Variants in UPF2 observed in about 807,000 individuals in gnomAD.
The protein encoded by UPF2 is regulator of nonsense transcripts 2.
A neutral mutation model predicts 141.4 loss-of-function variants in UPF2; 17 were observed. The ratio of observed to expected loss-of-function variants is 0.12; its 90% CI spans 0.08 to 0.18. UPF2 has a LOEUF of 0.18. Ranked by LOEUF, UPF2 falls within the 10% of genes least tolerant of loss-of-function variation. The pLI, the probability that UPF2 is intolerant of heterozygous loss-of-function variation, is 1.00. For missense variants in UPF2, 1,152 were observed against 1,515.9 expected, an observed-to-expected ratio of 0.76 and a Z score of 3.99; for synonymous variants, 540 against 498.0, an observed-to-expected ratio of 1.08 and a Z score of -1.12.
At chr10:11,981,827 A>G (rs1000993845) in intron 8 of UPF2, among the ~76,000 whole-genome samples, 1 of 152,206 alleles carries the variant, frequency 6.6e-6, no homozygotes, top group Non-Finnish European at 1.5e-5. Context: ...CTGGGATTAC[A>G]GGCAAGCACC....
chr10:12,018,332 C>T (rs1834259882), intron 3 of UPF2, among the ~76,000 whole-genome samples: 1 of 152,016 alleles, frequency 6.6e-6, no homozygotes, highest in South Asian at 2.1e-4. Context: ...CCTGTAATCC[C>T]AACACTTTGG....
At position 12,035,310 on chromosome 10, in the gene UPF2, T is replaced by C; in HGVS notation, c.114A>G (p.Lys38=). The change falls in exon 2 of 22, where the codon AAA becomes AAG. Residue 38 remains lysine, a synonymous_variant. Transcript: ENST00000357604. ...RRTVSSKERP[K]DDIKLTAKKE... ...TCTTGGCAGTGAGCTTGATATCGTCTTTTGGCCTCTCCTTGCTGCTCACTG... is the reference window on the plus strand; with the variant it reads ...TCTTGGCAGTGAGCTTGATATCGTCCTTTGGCCTCTCCTTGCTGCTCACTG... 1.2e-6 allele frequency: 2 copies of C among 1,614,148 alleles called. No individual in the cohort carries two copies. Among genetic ancestry groups the C allele is most frequent in the Non-Finnish European group, 1.7e-6 (2 of 1,180,036 alleles).
intron 5 of UPF2, among the ~76,000 whole-genome samples, chr10:12,003,348 ATC>A (rs1833982834): frequency 6.6e-6 from 1 of 152,222 alleles, no homozygotes; most frequent in Non-Finnish European, 1.5e-5. Context: ...CATACAATTT[ATC>A]TGAGGAAATT....
chr10:11,997,448 T>G (rs577680159), intron 8 of UPF2, among the ~76,000 whole-genome samples: 75 of 152,322 alleles, frequency 4.9e-4, no homozygotes, highest in African/African-American at 1.7e-3. Context: ...CTTAAACATT[T>G]TATTTTAAAA....
In UPF2 at chr10:11,996,342, C is replaced by A. The variant is rs72777718; in HGVS notation, c.1844+1330G>T. 6.7e-3 allele frequency among the ~76,000 whole-genome samples: 728 copies of A among 108,386 alleles called. 3 individuals carry two copies. Among genetic ancestry groups the A allele is most frequent in the Middle Eastern group, 9.7e-3 (2 of 206 alleles). 71.1% of individuals were successfully genotyped at this position (108,386 alleles called of 152,430 possible). A position where few individuals can be genotyped will look rare whatever the true frequency, so the allele number is the denominator to read the frequency against. ...TTTTAATACTTATGATAAACTGTCA[C>A]TTCATTCAACCTTTTTTTTTTTTGA... is the stretch of plus-strand genomic sequence containing the variant. On this transcript the variant is annotated intron_variant, in intron 8 of 21. Coordinates refer to ENST00000357604, the MANE Select transcript of UPF2 (RefSeq NM_015542.4).
intron 1 of UPF2, among the ~76,000 whole-genome samples, chr10:12,039,681 CACG>C (rs2131322821): frequency 1.3e-5 from 2 of 148,930 alleles, no homozygotes; most frequent in South Asian, 4.2e-4. Flanking sequence ...AGTGCAGTGG[CACG>C]ATCTCGGCTC....
rs773266588 is a variant in UPF2, at chr10:11,959,388, C to T, written c.2185-32G>A. 1.6e-5 allele frequency: 24 copies of T among 1,524,692 alleles called. No individual in the cohort carries two copies. The highest frequency in any genetic ancestry group is 7.0e-5 in the African/African-American group (5 of 71,622). 94.4% of individuals were successfully genotyped at this position (1,524,692 alleles called of 1,614,324 possible). ...TAAAAAGTCCAAATTAATCAAAACA[C>T]GTTCCTTCTAAGATTCCTTTACTCC... On this transcript the variant is annotated intron_variant, in intron 11 of 21. Transcript: ENST00000357604. The surrounding 1 kb of genome is among the most constrained non-coding windows in gnomAD (Gnocchi z 5.9).
chr10:12,023,910 G>A (rs1408974869), intron 3 of UPF2, among the ~76,000 whole-genome samples: 1 of 149,404 alleles, frequency 6.7e-6, no homozygotes, highest in Non-Finnish European at 1.5e-5. Flanking sequence ...GACTGCTTGA[G>A]CTGGGAGGTG....
intron 9 of UPF2, among the ~76,000 whole-genome samples, chr10:11,970,772 A>T (rs1833403065): frequency 1.3e-5 from 2 of 152,202 alleles, no homozygotes; most frequent in Non-Finnish European, 2.9e-5. Context: ...AGATCATGCC[A>T]CTGCATTCCA....
chr10:11,954,868 T>A (rs543523384), intron 14 of UPF2, among the ~76,000 whole-genome samples: 105 of 147,794 alleles, frequency 7.1e-4, no homozygotes, highest in African/African-American at 2.5e-3. Flanking sequence ...AGAATATACA[T>A]GAGTGAGAAG....
chr10:12,019,926 C>T lies in UPF2; in HGVS notation c.1146-5742G>A, dbSNP rs1408825910. On this transcript the variant is annotated intron_variant, in intron 3 of 21. Coordinates refer to ENST00000357604, the MANE Select transcript of UPF2 (RefSeq NM_015542.4). The surrounding 1 kb of genome is among the most constrained non-coding windows in gnomAD (Gnocchi z 4.5). The stretch of plus-strand genomic sequence containing the variant: ...TTTTAGTAGAGACGGGGTTTTGCCA[C>T]GTTGGCCAGGCTGGCCTCAGGCTCC... Among the ~76,000 whole-genome samples the T allele has an allele frequency of 2.6e-5, 4 of 152,008 alleles. No individual in the cohort carries two copies. The highest frequency in any genetic ancestry group is 4.4e-5 in the Non-Finnish European group (3 of 68,004).
At chr10:12,004,284 A>G (rs1007752423) in intron 5 of UPF2, among the ~76,000 whole-genome samples, 22 of 152,180 alleles carry the variant, frequency 1.4e-4, no homozygotes, top group African/African-American at 4.8e-4. Flanking sequence ...ACTACAAGAC[A>G]TTATAAACAA....
At chr10:12,001,152 T>C (rs1481291623) in intron 6 of UPF2, among the ~76,000 whole-genome samples, 1 of 152,200 alleles carries the variant, frequency 6.6e-6, no homozygotes, top group Admixed American at 6.5e-5. Flanking sequence ...CGGTGGCTCA[T>C]GCCTGTAATC....
chr10:12,038,256 G>A (rs965971165), intron 1 of UPF2, among the ~76,000 whole-genome samples: 1 of 151,724 alleles, frequency 6.6e-6, no homozygotes, highest in African/African-American at 2.4e-5. Flanking sequence ...GGTAGCAGGC[G>A]CCTGTAATCC....
chr10:12,018,506 G>A (rs866889652), intron 3 of UPF2, among the ~76,000 whole-genome samples: 22 of 152,048 alleles, frequency 1.4e-4, no homozygotes, highest in Admixed American at 1.1e-3. Context: ...ACTTGAATCC[G>A]GGAGGCAAAG....
chr10:11,993,543 A>G (rs571515776), intron 8 of UPF2, among the ~76,000 whole-genome samples: 2 of 152,024 alleles, frequency 1.3e-5, no homozygotes, highest in Admixed American at 1.3e-4. Context: ...AAAACCAGAC[A>G]GTATTCTCTA....
In UPF2 at chr10:12,029,003, TTAA is replaced by T. The variant is rs1834469125; in HGVS notation, c.884_886del (p.Ile295del). ...ATGAGTGTGGGACTCCCGATCAGCATTAATAATATTTTTTAGCTGTTCATAGAT... is the reference window on the plus strand; with the variant it reads ...ATGAGTGTGGGACTCCCGATCAGCATTAATATTTTTTAGCTGTTCATAGAT... On this transcript the variant is annotated inframe_deletion, in exon 3 of 22. Coordinates refer to ENST00000357604, the MANE Select transcript of UPF2 (RefSeq NM_015542.4). 1 of 1,614,198 alleles carries T rather than the reference TTAA, an allele frequency of 6.2e-7. No individual in the cohort carries two copies. Among genetic ancestry groups the T allele is most frequent in the Non-Finnish European group, 8.5e-7 (1 of 1,180,040 alleles).
intron 3 of UPF2, among the ~76,000 whole-genome samples, chr10:12,027,980 C>T (rs1020903082): frequency 1.3e-5 from 2 of 152,154 alleles, no homozygotes; most frequent in African/African-American, 4.8e-5. Context: ...CTCTTTGCTA[C>T]ACTCCCTCAG....
At position 11,944,597 on chromosome 10, in the gene UPF2, G is replaced by A. The variant is rs182140264; in HGVS notation, c.3175-1429C>T. On this transcript the variant is annotated intron_variant, in intron 16 of 21. Coordinates refer to ENST00000357604, the MANE Select transcript of UPF2 (RefSeq NM_015542.4). ...ATTCAAAATTAAATTTGCAATAGAG[G>A]TACTCTTAAATTTGCTCTTGAAAAA... Among the ~76,000 whole-genome samples, 2 of 151,900 alleles carry A rather than the reference G, an allele frequency of 1.3e-5. 1 individual carries two copies. The highest frequency in any genetic ancestry group is 4.2e-4 in the South Asian group (2 of 4,808).
Sources: gnomAD v4.1 joint callset for allele counts (sites outside exome capture counted in the v4.1 genomes callset) on GRCh38, gnomAD v4.1.1 for gene constraint, Gnocchi (gnomAD v3.1) non-coding constraint, MANE v1.5 for transcripts, NCBI Gene and HGNC (gene_info 2026-07-23, HGNC 2026-07-21) for gene names.